Variants in NR2F6 observed in about 807,000 individuals in gnomAD.
The protein encoded by NR2F6 is nuclear receptor subfamily 2 group F member 6, also known as ERBA-related gene-2.
Under a neutral mutation model 26.5 loss-of-function variants are expected in NR2F6, and 16 were observed. The ratio of observed to expected loss-of-function variants is 0.60; its 90% CI spans 0.41 to 0.92. The LOEUF (loss-of-function observed/expected upper bound fraction) is 0.92. NR2F6 is among the 40% of genes least tolerant of loss of function. The pLI is 0.00. For missense variants in NR2F6, 536 were observed against 631.7 expected, an observed-to-expected ratio of 0.85 and a Z score of 1.62; for synonymous variants, 325 against 305.0, an observed-to-expected ratio of 1.07 and a Z score of -0.68.
In NR2F6 at chr19:17,232,146, G is replaced by T; in HGVS notation, c.*206C>A. On this transcript the variant is annotated 3_prime_UTR_variant, in exon 4 of 4. Coordinates refer to ENST00000291442, the MANE Select transcript of NR2F6 (RefSeq NM_005234.4). Reference sequence around the variant, plus strand: ...GGACAGGGGTCCTGGGGAGGATGAGGCTGAGGCCTGGATGATCAGTCTCTT... The same window carrying T: ...GGACAGGGGTCCTGGGGAGGATGAGTCTGAGGCCTGGATGATCAGTCTCTT... The T allele has an allele frequency of 1.4e-6, 1 of 719,114 alleles. No homozygotes were observed. The highest frequency in any genetic ancestry group is 2.2e-6 in the Non-Finnish European group (1 of 452,718). The allele number at this position is 719,114 out of a possible 1,614,324, so 44.5% of individuals were successfully genotyped here.
Position 17,235,999 on chromosome 19 carries a change from G to C in NR2F6, c.440C>G (p.Pro147Arg). Residue 147 changes from proline to arginine, a missense_variant, in exon 3 of 4, where the codon CCG (proline) becomes CGG (arginine). Coordinates refer to ENST00000291442, the MANE Select transcript of NR2F6 (RefSeq NM_005234.4). The surrounding 1 kb of genome is among the most constrained non-coding windows in gnomAD (Gnocchi z 5.0). ...CGCCACTGCCGCCAGCGCCGAGCCC[G>C]GGGGGCTGCCCGAGGAGGCGGCCAC... ...GAVAASSGSPPGSALAAVASG... is the reference protein window; with the variant it reads ...GAVAASSGSPRGSALAAVASG... The C allele has an allele frequency of 7.0e-7, 1 of 1,434,040 alleles. No individual in the cohort carries two copies. 88.8% of individuals were successfully genotyped at this position (1,434,040 alleles called of 1,614,324 possible). A position where few individuals can be genotyped will look rare whatever the true frequency, so the allele number is the denominator to read the frequency against.
intron 1 of NR2F6, among the ~76,000 whole-genome samples, chr19:17,242,644 G>A (rs765676938): frequency 6.6e-6 from 1 of 152,216 alleles, no homozygotes; most frequent in Non-Finnish European, 1.5e-5. Flanking sequence ...AGGGAGCTCA[G>A]GCAGAACCAG....
chr19:17,243,730 T>C (rs1219744189), intron 1 of NR2F6, among the ~76,000 whole-genome samples: 2 of 152,174 alleles, frequency 1.3e-5, no homozygotes, highest in Admixed American at 1.3e-4. Context: ...GGGGCCCTAT[T>C]TGGTGGCCTC....
chr19:17,237,591 T>C (rs2073446546), intron 2 of NR2F6, among the ~76,000 whole-genome samples: 1 of 151,980 alleles, frequency 6.6e-6, no homozygotes, highest in Non-Finnish European at 1.5e-5. Flanking sequence ...TTTGTATTTT[T>C]AGTAGAGACG....
intron 2 of NR2F6, 28 bp from the exon 3 acceptor site, chr19:17,236,093 T>A (rs1451463548): frequency 8.5e-6 from 2 of 236,078 alleles, no homozygotes; most frequent in Admixed American, 6.4e-4. Flanking sequence ...AGGAGGGACA[T>A]GGGGGCGGGA....
At chr19:17,236,671 C>A (rs941842239) in intron 2 of NR2F6, among the ~76,000 whole-genome samples, 2 of 152,180 alleles carry the variant, frequency 1.3e-5, no homozygotes, top group Non-Finnish European at 2.9e-5. Flanking sequence ...TCCTATGGAA[C>A]AGGGATCATT....
At chr19:17,244,807 G>A in intron 1 of NR2F6, 136 bp downstream of exon 1, 1 of 989,882 alleles carries the variant, frequency 1.0e-6, no homozygotes, top group Non-Finnish European at 1.5e-6. Context: ...GGAGGAGGGT[G>A]CTGTGCCCCT....
At chr19:17,237,584 G>C (rs897386265) in intron 2 of NR2F6, among the ~76,000 whole-genome samples, 1 of 152,064 alleles carries the variant, frequency 6.6e-6, no homozygotes, top group African/African-American at 2.4e-5. Flanking sequence ...GCTAATTTTT[G>C]TATTTTTAGT....
chr19:17,236,253 G>C (rs1445214614), intron 2 of NR2F6, among the ~76,000 whole-genome samples, 188 bp from the exon 3 acceptor site: 1 of 114,160 alleles, frequency 8.8e-6, no homozygotes, highest in Non-Finnish European at 1.8e-5. Flanking sequence ...GGCCGGAAGA[G>C]GGGGGATGAG....
chr19:17,234,203 A>G (rs1422583413), intron 3 of NR2F6, among the ~76,000 whole-genome samples: 3 of 150,656 alleles, frequency 2.0e-5, no homozygotes, highest in Admixed American at 1.3e-4. Context: ...AGCCTGGGCG[A>G]CGGAGTAAGA....
chr19:17,244,495 C>G (rs950831829), intron 1 of NR2F6: 2 of 160,960 alleles, frequency 1.2e-5, no homozygotes, highest in Non-Finnish European at 2.7e-5. Flanking sequence ...CGTATCGATC[C>G]GCGCGGCCGC....
At chr19:17,241,366 C>T (rs1183339291) in intron 1 of NR2F6, among the ~76,000 whole-genome samples, 3 of 151,792 alleles carry the variant, frequency 2.0e-5, no homozygotes, top group African/African-American at 7.3e-5. Flanking sequence ...GCCCTGAAGG[C>T]CCCACACCTA....
At chr19:17,236,909 T>TTCCCTCA (rs2073441889) in intron 2 of NR2F6, among the ~76,000 whole-genome samples, 1 of 151,874 alleles carries the variant, frequency 6.6e-6, no homozygotes, top group Non-Finnish European at 1.5e-5. Context: ...ACCAGGTGGG[T>TTCCCTCA]GAGAAAAGGG....
chr19:17,236,627 G>A (rs938036838), intron 2 of NR2F6, among the ~76,000 whole-genome samples: 4 of 152,184 alleles, frequency 2.6e-5, no homozygotes, highest in Admixed American at 2.6e-4. Context: ...GGTCCCCAAA[G>A]CAACAGATCA....
intron 2 of NR2F6, among the ~76,000 whole-genome samples, chr19:17,239,628 TG>T (rs1366089086): frequency 6.7e-6 from 1 of 149,944 alleles, no homozygotes; most frequent in Non-Finnish European, 1.5e-5. Context: ...CACTCCAGCC[TG>T]GGCGACAGAG....
In NR2F6 at chr19:17,235,355, A is replaced by T. The variant is rs1337499251; in HGVS notation, c.940+144T>A. On this transcript the variant is annotated intron_variant, in intron 3 of 3. Transcript: ENST00000291442. The surrounding 1 kb of genome is among the most constrained non-coding windows in gnomAD (Gnocchi z 5.0). ...CATCACCCCTCTACAGCCACCCAAG[A>T]GCGTTCACTCACGGCGCGTGCAGGG... The T allele has an allele frequency of 1.4e-6, 2 of 1,444,324 alleles. No homozygotes were observed. The highest frequency in any genetic ancestry group is 1.8e-6 in the Non-Finnish European group (2 of 1,102,034). 89.5% of individuals were successfully genotyped at this position (1,444,324 alleles called of 1,614,324 possible). A position where few individuals can be genotyped will look rare whatever the true frequency, so the allele number is the denominator to read the frequency against.
rs532027078 is a variant in NR2F6, at chr19:17,233,062, G to A, written c.941-436C>T. 7.2e-5 allele frequency among the ~76,000 whole-genome samples: 11 copies of A among 152,260 alleles called. No individual in the cohort carries two copies. In the South Asian group the frequency reaches 1.2e-3, roughly 17 times the overall value. On this transcript the variant is annotated intron_variant, in intron 3 of 3. Coordinates refer to ENST00000291442, the MANE Select transcript of NR2F6 (RefSeq NM_005234.4). ...TACTCGGAAGGCTAATGGGAGGATC[G>A]CTTGAGCCTGGGAGGCGGAGGTTGC...
chr19:17,236,258 G>A (rs1020851980), intron 2 of NR2F6, among the ~76,000 whole-genome samples, 193 bp from the exon 3 acceptor site: 1 of 137,314 alleles, frequency 7.3e-6, no homozygotes, highest in African/African-American at 2.7e-5. Context: ...GAAGAGGGGG[G>A]ATGAGGGGCC....
chr19:17,240,571 A>G lies in NR2F6; in HGVS notation c.373+100T>C, dbSNP rs535833376. 2.4e-4 allele frequency: 313 copies of G among 1,293,434 alleles called. 2 individuals carry two copies. In the African/African-American group the frequency reaches 3.8e-3, roughly 16 times the overall value. The allele number at this position is 1,293,434 out of a possible 1,614,324, so 80.1% of individuals were successfully genotyped here. Reference sequence around the variant, plus strand: ...AGGCACCCAGACCCCTGTGAAAGGGAGGGGTGAAAGGGAGGGGAAAAAGGG... The same window carrying G: ...AGGCACCCAGACCCCTGTGAAAGGGGGGGGTGAAAGGGAGGGGAAAAAGGG... On this transcript the variant is annotated intron_variant, in intron 2 of 3. Transcript: ENST00000291442.
Sources: allele counts gnomAD v4.1 joint callset (sites outside exome capture counted in the v4.1 genomes callset), GRCh38; gene constraint gnomAD v4.1.1; non-coding constraint Gnocchi (gnomAD v3.1); transcripts MANE v1.5; gene names NCBI Gene and HGNC (gene_info 2026-07-23, HGNC 2026-07-21).